Variants in SELP observed in about 807,000 individuals in gnomAD.
The protein encoded by SELP is selectin P, also known as P-selectin.
A neutral mutation model predicts 104.1 loss-of-function variants in SELP; 92 were observed. The observed-to-expected ratio is 0.88, with a 90% CI of 0.75 to 1.05. The LOEUF (loss-of-function observed/expected upper bound fraction) is 1.05, where lower values mean the gene tolerates loss of function less well. SELP is among the 50% of genes least tolerant of loss of function. The pLI is 0.00. For missense variants in SELP, 1,022 were observed against 1,017.3 expected (o/e 1.00, Z -0.06); for synonymous variants, 397 against 364.5 (o/e 1.09, Z -1.01).
At chr1:169,605,596 G>A (rs1018540777) in intron 9 of SELP, among the ~76,000 whole-genome samples, 2 of 152,058 alleles carry the variant, frequency 1.3e-5, no homozygotes, top group Non-Finnish European at 1.5e-5. Context: ...AATGTTGAAA[G>A]TCTATACAAA....
intron 1 of SELP, among the ~76,000 whole-genome samples, chr1:169,624,400 C>T (rs1557975879): frequency 6.6e-6 from 1 of 152,178 alleles, no homozygotes; most frequent in Non-Finnish European, 1.5e-5. Context: ...ATTAGAATAA[C>T]ATCCTGTGCC....
chr1:169,594,547 G>T, intron 13 of SELP, 145 bp downstream of exon 13: 1 of 723,932 alleles, frequency 1.4e-6, no homozygotes, highest in Non-Finnish European at 2.3e-6. Flanking sequence ...AGGAGATTCT[G>T]CCTGATTCAT....
chr1:169,623,245 C>T (rs1422157658), intron 1 of SELP, among the ~76,000 whole-genome samples: 1 of 152,170 alleles, frequency 6.6e-6, no homozygotes, highest in East Asian at 1.9e-4. Context: ...GGTACTCTTC[C>T]TGTGGAAGTG....
chr1:169,603,940 A>G (rs1180300903), intron 9 of SELP, among the ~76,000 whole-genome samples: 3 of 152,210 alleles, frequency 2.0e-5, no homozygotes, highest in South Asian at 2.1e-4. Context: ...TAGCAACATG[A>G]TTTATAATCC....
chr1:169,599,225 A>T (rs977719180), intron 10 of SELP, among the ~76,000 whole-genome samples: 1 of 152,146 alleles, frequency 6.6e-6, no homozygotes, highest in African/African-American at 2.4e-5. Flanking sequence ...GATGAATGAC[A>T]TTTGTGGAGT....
At chr1:169,613,390 A>T (rs1045995212) in intron 4 of SELP, among the ~76,000 whole-genome samples, 196 bp downstream of exon 4, 1 of 152,050 alleles carries the variant, frequency 6.6e-6, no homozygotes, top group African/African-American at 2.4e-5. Context: ...GAAATTTATG[A>T]GTCAATGTTT....
At chr1:169,611,785 G>T in intron 6 of SELP, 108 bp from the exon 7 acceptor site, 1 of 1,102,610 alleles carries the variant, frequency 9.1e-7, no homozygotes. Context: ...CTAGCAAGAT[G>T]TAAAGGTCAA....
At chr1:169,613,777 C>A (rs941017593) in intron 3 of SELP, 84 bp from the exon 4 acceptor site, 66 of 1,116,646 alleles carry the variant, frequency 5.9e-5, no homozygotes, top group Middle Eastern at 1.9e-4. Flanking sequence ...ACAGACTCAT[C>A]CCCTCTCAGA....
At chr1:169,590,103 C>T in intron 16 of SELP, 44 bp downstream of exon 16, 2 of 1,307,932 alleles carry the variant, frequency 1.5e-6, no homozygotes, top group Admixed American at 1.8e-5. Flanking sequence ...CCATTTTTCC[C>T]TAGTGTTCTA....
chr1:169,597,157 G>T lies in SELP; in HGVS notation c.1725C>A (p.Leu575=). The change falls in exon 11 of 17, where the codon CTC becomes CTA. Residue 575 remains leucine (L), a synonymous_variant. Coordinates refer to ENST00000263686, the MANE Select transcript of SELP (RefSeq NM_003005.4). The part of the protein sequence containing the change: ...PMCEAIKCPE[L]FAPEQGSLDC... ...CCAGGCTGCCCTGCTCTGGGGCAAA[G>T]AGTTCTGGGCACTTGATGGCTAGAG... 6.2e-7 allele frequency: 1 copy of T among 1,603,488 alleles called. No homozygotes were observed. The highest frequency in any genetic ancestry group is 8.5e-7 in the Non-Finnish European group (1 of 1,174,374).
intron 1 of SELP, among the ~76,000 whole-genome samples, chr1:169,620,403 CT>C (rs1663039650): frequency 7.2e-6 from 1 of 138,366 alleles, no homozygotes; most frequent in Non-Finnish European, 1.5e-5. Context: ...TTTTTTTAAC[CT>C]TCATTAACCT....
Position 169,594,842 on chromosome 1 carries a change from T to C in SELP, c.2137A>G (p.Ile713Val). ...CAGAGGTTGGAGCAGTTCATCGCTA[T>C]TGGCTTATTAACATGTAGTTCTGAG... ...KCSELHVNKP[I>V]AMNCSNLWGN... Residue 713 changes from isoleucine to valine, a missense_variant, in exon 13 of 17, where the codon ATA becomes GTA. Ile to Val is a conservative substitution (Grantham distance 29). Transcript: ENST00000263686. 1 of 1,613,708 alleles carries C rather than the reference T, an allele frequency of 6.2e-7. No individual in the cohort carries two copies. The highest frequency in any genetic ancestry group is 1.3e-5 in the African/African-American group (1 of 75,022).
At position 169,594,549 on chromosome 1, in the gene SELP, C is replaced by T. The variant is rs528644910; in HGVS notation, c.2287+143G>A. On this transcript the variant is annotated intron_variant, in intron 13 of 16. Coordinates refer to ENST00000263686, the MANE Select transcript of SELP (RefSeq NM_003005.4). Reference sequence around the variant, plus strand: ...ACTTTATAAGGCAAGGAGATTCTGCCTGATTCATTGTGAAACACTTATTAA... The same window carrying T: ...ACTTTATAAGGCAAGGAGATTCTGCTTGATTCATTGTGAAACACTTATTAA... 6 of 739,918 alleles carry T rather than the reference C, an allele frequency of 8.1e-6. No individual in the cohort carries two copies. In the South Asian group the frequency reaches 1.2e-4, roughly 14 times the overall value. The allele number at this position is 739,918 out of a possible 1,614,324, so 45.8% of individuals were successfully genotyped here.
chr1:169,610,878 G>A (rs944332789), intron 7 of SELP, among the ~76,000 whole-genome samples: 1 of 152,134 alleles, frequency 6.6e-6, no homozygotes, highest in Non-Finnish European at 1.5e-5. Flanking sequence ...AGAAAAGTGA[G>A]GTTCAGAAGT....
In SELP at chr1:169,617,043, C is replaced by A. The variant is rs72712022; in HGVS notation, c.466G>T (p.Ala156Ser). ...NDEHCLKKKHALCYTASCQDM... is the reference protein window; with the variant it reads ...NDEHCLKKKHSLCYTASCQDM... The stretch of plus-strand genomic sequence containing the variant: ...AAGGCCCTACCTGTGTAACACAATG[C>A]GTGCTTTTTCTTCAAGCAGTGCTCA... The change falls in exon 3 of 17, where the codon GCA (alanine) becomes TCA (serine). Residue 156 changes from alanine (A) to serine (S), a missense_variant. Coordinates refer to ENST00000263686, the MANE Select transcript of SELP (RefSeq NM_003005.4). 6.8e-6 allele frequency: 11 copies of A among 1,610,256 alleles called. No individual in the cohort carries two copies. Among genetic ancestry groups the A allele is most frequent in the Middle Eastern group, 1.8e-4 (1 of 5,682 alleles).
At position 169,606,366 on chromosome 1, in the gene SELP, A is replaced by G. The variant is rs140144456; in HGVS notation, c.1519+583T>C. Among the ~76,000 whole-genome samples, 1,128 of 152,292 alleles carry G rather than the reference A, an allele frequency of 7.4e-3. 13 individuals carry two copies. The highest frequency in any genetic ancestry group is 0.026 in the African/African-American group (1,079 of 41,546). Reference sequence around the variant, plus strand: ...AATGCAGATAGAATGTTTATACTGAATCCACACATTTCTTTCTTCTGAGAA... The same window carrying G: ...AATGCAGATAGAATGTTTATACTGAGTCCACACATTTCTTTCTTCTGAGAA... On this transcript the variant is annotated intron_variant, in intron 9 of 16. Transcript: ENST00000263686.
At position 169,597,070 on chromosome 1, in the gene SELP, G is replaced by C; in HGVS notation, c.1812C>G (p.Asn604Lys). 1 of 1,612,554 alleles carries C rather than the reference G, an allele frequency of 6.2e-7. No individual in the cohort carries two copies. ...TATTGGGCCCCTCCAGCTTAAAGCCGTTGTCACAAGAGAAATGGCAGGTGG... is the reference window on the plus strand; with the variant it reads ...TATTGGGCCCCTCCAGCTTAAAGCCCTTGTCACAAGAGAAATGGCAGGTGG... ...VGSTCHFSCD[N>K]GFKLEGPNNV... Residue 604 changes from asparagine (N) to lysine (K), a missense_variant, in exon 11 of 17, where the codon AAC becomes AAG. By Grantham distance (94) the Asn-to-Lys change is moderately conservative. Transcript: ENST00000263686.
At chr1:169,599,325 G>A (rs1284555610) in intron 10 of SELP, among the ~76,000 whole-genome samples, 3 of 150,286 alleles carry the variant, frequency 2.0e-5, no homozygotes, top group Non-Finnish European at 1.5e-5. Context: ...TTTGAGAAGT[G>A]GTCATATTCT....
intron 2 of SELP, among the ~76,000 whole-genome samples, 189 bp from the exon 3 acceptor site, chr1:169,617,603 T>G (rs1385457940): frequency 6.6e-6 from 1 of 152,198 alleles, no homozygotes; most frequent in Non-Finnish European, 1.5e-5. Flanking sequence ...CTTAAAAGTG[T>G]GAATGATGTC....
Sources: allele counts gnomAD v4.1 joint callset (sites outside exome capture counted in the v4.1 genomes callset), GRCh38; gene constraint gnomAD v4.1.1; transcripts MANE v1.5; gene names NCBI Gene and HGNC (gene_info 2026-07-23, HGNC 2026-07-21).